Variants in SMYD4 observed in about 807,000 individuals in gnomAD.
SMYD4 encodes the protein protein-lysine N-methyltransferase SMYD4.
SMYD4 carries 68 observed loss-of-function variants against 72.8 expected under a neutral mutation model. The ratio of observed to expected loss-of-function variants is 0.93; its 90% CI spans 0.77 to 1.14. The LOEUF is 1.14. SMYD4 is among the 50% of genes most tolerant of loss of function. The pLI is 0.00. For missense variants in SMYD4, 984 were observed against 1,003.7 expected (o/e 0.98, Z 0.27); for synonymous variants, 407 against 388.6 (o/e 1.05, Z -0.56).
At chr17:1,798,661 G>A (rs1909535209) in intron 5 of SMYD4, among the ~76,000 whole-genome samples, 1 of 152,026 alleles carries the variant, frequency 6.6e-6, no homozygotes, top group East Asian at 1.9e-4. Context: ...ATTTTGGGAG[G>A]CCAAAGCAGG....
intron 2 of SMYD4, among the ~76,000 whole-genome samples, chr17:1,818,550 C>CT (rs1406902476): frequency 1.3e-5 from 2 of 152,150 alleles, no homozygotes; most frequent in African/African-American, 4.8e-5. Flanking sequence ...CCTAATATGT[C>CT]TGTTGTATCT....
At chr17:1,826,491 C>CAAAAAA (rs111636314) in intron 2 of SMYD4, among the ~76,000 whole-genome samples, 67 of 103,068 alleles carry the variant, frequency 6.5e-4, no homozygotes, top group East Asian at 2.0e-3. Flanking sequence ...AAACTCTGTC[C>CAAAAAA]AAAAAAAAAA....
intron 4 of SMYD4, among the ~76,000 whole-genome samples, chr17:1,801,473 C>T (rs566538094): frequency 6.6e-6 from 1 of 151,592 alleles, no homozygotes; most frequent in Admixed American, 6.6e-5. Context: ...ATCTCCTGAC[C>T]TCATGATACG....
intron 5 of SMYD4, among the ~76,000 whole-genome samples, chr17:1,791,043 A>T (rs1202085457): frequency 3.6e-5 from 5 of 140,176 alleles, no homozygotes; most frequent in South Asian, 2.3e-4. Flanking sequence ...AGGAGAACGG[A>T]GTGAACCCGG....
intron 2 of SMYD4, among the ~76,000 whole-genome samples, chr17:1,825,115 A>C (rs772194992): frequency 4.1e-4 from 62 of 152,248 alleles, no homozygotes; most frequent in Non-Finnish European, 6.5e-4. Flanking sequence ...GTATTTCTTG[A>C]TAGCAACGTG....
At chr17:1,794,016 T>C (rs1909213089) in intron 5 of SMYD4, among the ~76,000 whole-genome samples, 1 of 101,868 alleles carries the variant, frequency 9.8e-6, no homozygotes, top group Non-Finnish European at 1.9e-5. Context: ...TGTATATATA[T>C]ATATGTGTGT....
chr17:1,808,027 T>C (rs985139290), intron 3 of SMYD4, among the ~76,000 whole-genome samples: 1 of 152,158 alleles, frequency 6.6e-6, no homozygotes, highest in African/African-American at 2.4e-5. Context: ...AATATCCCCA[T>C]AGTCTGCCAG....
chr17:1,797,775 GT>G (rs551966672), intron 5 of SMYD4, among the ~76,000 whole-genome samples: 2,334 of 152,312 alleles, frequency 0.015, 44 homozygotes, highest in Non-Finnish European at 0.02. Context: ...GCCAAGGTGG[GT>G]GGCTCACCTG....
intron 5 of SMYD4, among the ~76,000 whole-genome samples, chr17:1,791,314 C>T (rs1328685651): frequency 2.6e-5 from 4 of 151,808 alleles, no homozygotes; most frequent in Non-Finnish European, 5.9e-5. Context: ...CATCAGTGGC[C>T]AGTTCTGTCC....
intron 2 of SMYD4, among the ~76,000 whole-genome samples, chr17:1,818,045 T>TTAAAAA (rs1910714777): frequency 5.4e-5 from 1 of 18,470 alleles, no homozygotes; most frequent in East Asian, 6.3e-4. Flanking sequence ...AGACTCTGTC[T>TTAAAAA]CAAAAAAAAA....
chr17:1,804,539 T>G, intron 4 of SMYD4, 87 bp downstream of exon 4: 1 of 1,154,808 alleles, frequency 8.7e-7, no homozygotes, highest in Non-Finnish European at 1.3e-6. Context: ...TTTAGTGTTC[T>G]ATGGAAGAAG....
chr17:1,811,730 C>T (rs1276524999), intron 3 of SMYD4, among the ~76,000 whole-genome samples: 1 of 152,044 alleles, frequency 6.6e-6, no homozygotes, highest in African/African-American at 2.4e-5. Context: ...AGTTTGAGAC[C>T]AGCCTGGCCA....
intron 5 of SMYD4, among the ~76,000 whole-genome samples, chr17:1,798,608 T>C (rs977428876): frequency 5.9e-5 from 9 of 151,638 alleles, no homozygotes; most frequent in African/African-American, 2.2e-4. Flanking sequence ...ATTAAAAAAA[T>C]TTTAAAAGGC....
rs1423976410 is a variant in SMYD4, at chr17:1,781,125, T to C, written c.*161A>G. On this transcript the variant is annotated 3_prime_UTR_variant, in exon 11 of 11. Coordinates refer to ENST00000305513, the MANE Select transcript of SMYD4 (RefSeq NM_052928.3). ...TAGTAAAGATGGGGTTTCACCATGT[T>C]GGCCAGGCTGGTCTTGAACTCCTGA... The C allele has an allele frequency of 2.5e-6, 2 of 815,792 alleles. No homozygotes were observed. The allele number at this position is 815,792 out of a possible 1,614,324, so 50.5% of individuals were successfully genotyped here. A position where few individuals can be genotyped will look rare whatever the true frequency, so the allele number is the denominator to read the frequency against.
chr17:1,819,062 T>G (rs1384654939), intron 2 of SMYD4, among the ~76,000 whole-genome samples: 2 of 152,062 alleles, frequency 1.3e-5, no homozygotes, highest in Non-Finnish European at 2.9e-5. Flanking sequence ...TAAACAATTT[T>G]TATTAAGAAT....
chr17:1,811,686 G>A (rs536980376), intron 3 of SMYD4, among the ~76,000 whole-genome samples: 2 of 152,298 alleles, frequency 1.3e-5, no homozygotes, highest in East Asian at 3.9e-4. Flanking sequence ...CAGCACTTTG[G>A]GAGGCTGAGG....
At chr17:1,784,690 G>T in intron 7 of SMYD4, 1 of 467,312 alleles carries the variant, frequency 2.1e-6, no homozygotes, top group Non-Finnish European at 2.8e-6. Context: ...TTCATTTTTG[G>T]AACAGAACTG....
At position 1,781,317 on chromosome 17, in the gene SMYD4, A is replaced by G; in HGVS notation, c.2384T>C (p.Leu795Ser). 6.2e-7 allele frequency: 1 copy of G among 1,613,688 alleles called. No individual in the cohort carries two copies. The part of the protein sequence containing the change: ...LQKMKSCLLD[L>S]PPTPVGPAL ...TGCAGGCCCTACAGGGGTGGGTGGT[A>G]AGTCCAACAAACAGGATTTCATCTT... The change falls in exon 11 of 11, where the codon TTA becomes TCA. Residue 795 changes from leucine to serine, a missense_variant. Physicochemically the swap from Leu to Ser is moderately radical, Grantham distance 145. Transcript: ENST00000305513.
intron 4 of SMYD4, among the ~76,000 whole-genome samples, chr17:1,803,956 A>G (rs1909904188): frequency 1.3e-5 from 2 of 150,962 alleles, no homozygotes; most frequent in Admixed American, 6.6e-5. Flanking sequence ...GCTCACTGCA[A>G]CCTCTGCCTC....
Sources: allele counts gnomAD v4.1 joint callset (sites outside exome capture counted in the v4.1 genomes callset), GRCh38; gene constraint gnomAD v4.1.1; transcripts MANE v1.5; gene names NCBI Gene and HGNC (gene_info 2026-07-23, HGNC 2026-07-21).